The following DAAM2 variants were observed in gnomAD, a reference collection of about 807,000 sequenced individuals.
DAAM2 encodes the protein disheveled-associated activator of morphogenesis 2.
A neutral mutation model predicts 120.7 loss-of-function variants in DAAM2; 39 were observed. The ratio of observed to expected loss-of-function variants is 0.32; its 90% CI spans 0.25 to 0.42. The LOEUF is 0.42. DAAM2 is among the 10% of genes least tolerant of loss of function. The probability of loss-of-function intolerance (pLI) is 1.00; values close to 1 mark genes in which losing one functional copy is unlikely to be tolerated. For missense variants in DAAM2, 1,283 were observed against 1,401.7 expected, an observed-to-expected ratio of 0.92 and a Z score of 1.35; for synonymous variants, 488 against 524.9, an observed-to-expected ratio of 0.93 and a Z score of 0.96.
At chr6:39,869,753 CTTTTTTTT>C (rs531295826) in intron 7 of DAAM2, among the ~76,000 whole-genome samples, 8,395 of 102,086 alleles carry the variant, frequency 0.082, 492 homozygotes, top group African/African-American at 0.18. Flanking sequence ...CGCCAGCATA[CTTTTTTTT>C]TTTTTTTTTT....
rs569413632 is a variant in DAAM2, at chr6:39,850,144, T to C, written c.-56-6103T>C. On this transcript the variant is annotated intron_variant, in intron 1 of 24. Coordinates refer to ENST00000274867, the MANE Select transcript of DAAM2 (RefSeq NM_001201427.2). The stretch of plus-strand genomic sequence containing the variant: ...GTACTCGCATACCCTTTCCATTTGC[T>C]TTGCCTGTTGATTTAGCCACCAAAG... 3.9e-4 allele frequency among the ~76,000 whole-genome samples: 60 copies of C among 152,296 alleles called. 1 individual carries two copies. In the East Asian group the frequency reaches 7.9e-3, roughly 20 times the overall value.
intron 1 of DAAM2, among the ~76,000 whole-genome samples, chr6:39,835,588 T>G (rs1404188191): frequency 6.6e-6 from 1 of 152,210 alleles, no homozygotes; most frequent in Non-Finnish European, 1.5e-5. Context: ...AGAACATTTG[T>G]GGAATGAGTG....
chr6:39,832,279 G>A (rs1762945107), intron 1 of DAAM2, among the ~76,000 whole-genome samples: 1 of 152,014 alleles, frequency 6.6e-6, no homozygotes, highest in Admixed American at 6.5e-5. Flanking sequence ...GGGTCCCAGA[G>A]GCTCCCCTTC....
chr6:39,873,271 T>C lies in DAAM2; in HGVS notation c.1078T>C (p.Phe360Leu). The C allele has an allele frequency of 6.2e-7, 1 of 1,613,340 alleles. No homozygotes were observed. Among genetic ancestry groups the C allele is most frequent in the Non-Finnish European group, 8.5e-7 (1 of 1,179,692 alleles). The change falls in exon 10 of 25, where the codon TTT (phenylalanine) becomes CTT (leucine). Residue 360 changes from phenylalanine to leucine, a missense_variant. By Grantham distance (22) the Phe-to-Leu change is conservative. This residue lies in a region of DAAM2 where 338 missense variants were observed against 443.9 expected (regional missense o/e 0.76). Transcript: ENST00000274867. ...HIDTKSASQM[F>L]ELIHKKLKYT... ...CGACACCAAGAGTGCTTCCCAGATGTTTGAGTTGATCCACAAGAAGCTGAA... is the reference window on the plus strand; with the variant it reads ...CGACACCAAGAGTGCTTCCCAGATGCTTGAGTTGATCCACAAGAAGCTGAA...
intron 1 of DAAM2, among the ~76,000 whole-genome samples, chr6:39,807,779 A>T (rs1240222292): frequency 6.6e-6 from 1 of 152,198 alleles, no homozygotes; most frequent in Non-Finnish European, 1.5e-5. Context: ...GGCCTCCCAA[A>T]GTGCTGGGAT....
intron 1 of DAAM2, among the ~76,000 whole-genome samples, chr6:39,797,071 C>G (rs1358653614): frequency 6.6e-6 from 1 of 152,144 alleles, no homozygotes; most frequent in Non-Finnish European, 1.5e-5. Context: ...GATGGAGACC[C>G]TTTATACAAA....
chr6:39,883,964 G>C lies in DAAM2; in HGVS notation c.1848G>C (p.Glu616Asp). Residue 616 changes from glutamate to aspartate, a missense_variant and splice_region_variant, in exon 15 of 25, where the codon GAG becomes GAC. Physicochemically the swap from Glu to Asp is conservative, Grantham distance 45. Around this residue, in one of 3 missense-constraint regions of DAAM2, gnomAD observed 748 missense variants for 768.6 expected, o/e 0.97. Transcript: ENST00000274867. ...KSFNWVKLNE[E>D]RVPGTVWNEI... ...CTTCTCCCTACCCTGAATTTTAGGA[G>C]CGTGTCCCTGGCACCGTATGGAATG... 1 of 1,610,166 alleles carries C rather than the reference G, an allele frequency of 6.2e-7. No individual in the cohort carries two copies. Among genetic ancestry groups the C allele is most frequent in the Non-Finnish European group, 8.5e-7 (1 of 1,176,734 alleles).
chr6:39,801,616 T>C (rs944131503), intron 1 of DAAM2, among the ~76,000 whole-genome samples: 9 of 152,118 alleles, frequency 5.9e-5, no homozygotes, highest in Admixed American at 4.6e-4. Context: ...TCCTGATGGG[T>C]GTTTGTTGCT....
intron 1 of DAAM2, among the ~76,000 whole-genome samples, chr6:39,841,060 G>A (rs1252338066): frequency 7.6e-6 from 1 of 130,944 alleles, no homozygotes; most frequent in Non-Finnish European, 1.7e-5. Context: ...GGTTCCAGGG[G>A]GAGGGGCGCT....
chr6:39,862,321 C>T (rs1308768043), intron 3 of DAAM2: 2 of 152,160 alleles, frequency 1.3e-5, no homozygotes, highest in Non-Finnish European at 2.9e-5. Flanking sequence ...ATATAACACT[C>T]TGTGTTTATG....
chr6:39,819,711 T>C (rs1389886944), intron 1 of DAAM2: 1 of 152,260 alleles, frequency 6.6e-6, no homozygotes, highest in Non-Finnish European at 1.5e-5. Flanking sequence ...CAAACGCTTA[T>C]TTCTCACAGT....
chr6:39,828,078 C>T (rs1740676669), intron 1 of DAAM2, among the ~76,000 whole-genome samples: 2 of 152,180 alleles, frequency 1.3e-5, no homozygotes, highest in Admixed American at 6.5e-5. Context: ...GCACTGAGCA[C>T]AATGTTTGAA....
chr6:39,811,297 C>A (rs1184179005), intron 1 of DAAM2, among the ~76,000 whole-genome samples: 1 of 151,662 alleles, frequency 6.6e-6, no homozygotes. Flanking sequence ...AAAATGAAAA[C>A]CTCATGTGGA....
At chr6:39,856,581 C>A in intron 2 of DAAM2, 111 bp downstream of exon 2, 4 of 888,038 alleles carry the variant, frequency 4.5e-6, no homozygotes, top group Non-Finnish European at 6.3e-6. Flanking sequence ...TCTCAAAACT[C>A]CTCTTGGGAG....
chr6:39,812,249 T>C (rs1762186115), intron 1 of DAAM2, among the ~76,000 whole-genome samples: 1 of 152,208 alleles, frequency 6.6e-6, no homozygotes, highest in East Asian at 1.9e-4. Context: ...ATTCTCTAAA[T>C]AATACCTACC....
chr6:39,803,518 G>A (rs1200404148), intron 1 of DAAM2, among the ~76,000 whole-genome samples: 3 of 152,198 alleles, frequency 2.0e-5, no homozygotes, highest in African/African-American at 7.2e-5. Flanking sequence ...ATGAGATGGG[G>A]AGTGGGAGTA....
At chr6:39,807,346 C>G (rs892872249) in intron 1 of DAAM2, among the ~76,000 whole-genome samples, 6 of 152,122 alleles carry the variant, frequency 3.9e-5, no homozygotes, top group African/African-American at 1.4e-4. Context: ...CTTTTATTTA[C>G]AAACATTTAT....
intron 7 of DAAM2, among the ~76,000 whole-genome samples, chr6:39,869,324 C>G (rs1764556319): frequency 6.6e-6 from 1 of 152,112 alleles, no homozygotes; most frequent in Admixed American, 6.5e-5. Flanking sequence ...GTGGCTCATG[C>G]CTGTAATCCC....
At chr6:39,879,537 G>A (rs1562048936) in intron 14 of DAAM2, 60 bp downstream of exon 14, 1 of 1,607,056 alleles carries the variant, frequency 6.2e-7, no homozygotes, top group Non-Finnish European at 8.5e-7. Context: ...GTCAGCCTCA[G>A]GGACCACCCG....
Sources: allele counts gnomAD v4.1 joint callset (sites outside exome capture counted in the v4.1 genomes callset), GRCh38; gene constraint gnomAD v4.1.1; regional missense constraint gnomAD v4.1.1; transcripts MANE v1.5; gene names NCBI Gene and HGNC (gene_info 2026-07-23, HGNC 2026-07-21).